PPL: variants seen among roughly 807,000 people sequenced by gnomAD.
PPL encodes 190 kDa paraneoplastic pemphigus antigen.
In PPL, 198 loss-of-function variants were observed where a neutral mutation model predicts 194.4. That is an observed-to-expected ratio of 1.02 (90% CI 0.91 to 1.15). The LOEUF is 1.15. PPL is among the 50% of genes most tolerant of loss of function. PPL has a pLI of 0.00. For synonymous variants in PPL, 1,220 were observed against 972.4 expected, an observed-to-expected ratio of 1.25 and a Z score of -4.74; for missense variants, 2,885 against 2,294.8, an observed-to-expected ratio of 1.26 and a Z score of -5.25.
At position 4,891,968 on chromosome 16, in the gene PPL, C is replaced by T. The variant is rs200086927; in HGVS notation, c.1830-19G>A. The T allele has an allele frequency of 9.2e-5, 148 of 1,610,896 alleles. No individual in the cohort carries two copies. The African/African-American group carries it at 1.3e-3, about 14-fold the overall frequency. On this transcript the variant is annotated intron_variant, in intron 15 of 21. Transcript: ENST00000345988. ...ATCAACCCTGAGAGCACCAATCAGG[C>T]GTCGGGGGATGCCCACCTGGCCCCC...
At chr16:4,931,752 C>T (rs1298575798) in intron 1 of PPL, among the ~76,000 whole-genome samples, 1 of 152,172 alleles carries the variant, frequency 6.6e-6, no homozygotes, top group African/African-American at 2.4e-5. Context: ...CCAACCACAC[C>T]CTTAGGGTAT....
At chr16:4,893,016 T>G in intron 14 of PPL, 197 bp downstream of exon 14, 1 of 618,480 alleles carries the variant, frequency 1.6e-6, no homozygotes, top group South Asian at 3.0e-5. Flanking sequence ...TCCTGCCAGC[T>G]CTTTCTCCTG....
chr16:4,893,205 G>T lies in PPL; in HGVS notation c.1650+8C>A. Reference sequence around the variant, plus strand: ...CCGGCCCCACCTGTGCTCCTGACCCGCAGGTACCTTGAGGTCCTTGGCCCG... The same window carrying T: ...CCGGCCCCACCTGTGCTCCTGACCCTCAGGTACCTTGAGGTCCTTGGCCCG... On this transcript the variant is annotated splice_region_variant and intron_variant, in intron 14 of 21. Coordinates refer to ENST00000345988, the MANE Select transcript of PPL (RefSeq NM_002705.5). 6.5e-7 allele frequency: 1 copy of T among 1,547,418 alleles called. No homozygotes were observed.
In PPL at chr16:4,889,002, G is replaced by A. The variant is rs1170444576; in HGVS notation, c.2373C>T (p.Ser791=). The stretch of plus-strand genomic sequence containing the variant: ...CCTTTACAGCTTGCTGGTACTGCTG[G>A]GAATTGGCACAGATCTTCTGTACTT... ...EQEVQKICAN[S]QQYQQAVKDY... is the part of the protein sequence containing the mutation. The change falls in exon 19 of 22, where the codon TCC becomes TCT. Residue 791 remains serine (S), a synonymous_variant. Transcript: ENST00000345988. The A allele has an allele frequency of 1.2e-6, 2 of 1,613,534 alleles. No homozygotes were observed. Among genetic ancestry groups the A allele is most frequent in the African/African-American group, 1.3e-5 (1 of 75,000 alleles).
chr16:4,894,704 G>A (rs1722600829), intron 11 of PPL, 86 bp from the exon 12 acceptor site: 1 of 1,484,318 alleles, frequency 6.7e-7, no homozygotes, highest in South Asian at 1.2e-5. Flanking sequence ...CCGACTCTTG[G>A]ACCTGGGGAG....
At chr16:4,890,084 G>A (rs2088290387) in intron 18 of PPL, 100 bp downstream of exon 18, 2 of 1,564,270 alleles carry the variant, frequency 1.3e-6, no homozygotes, top group South Asian at 1.1e-5. Flanking sequence ...CCTCTGCCCT[G>A]CTCCACCTCC....
At chr16:4,932,769 T>C (rs1248642657) in intron 1 of PPL, among the ~76,000 whole-genome samples, 1 of 152,032 alleles carries the variant, frequency 6.6e-6, no homozygotes, top group Non-Finnish European at 1.5e-5. Context: ...CTGCTATGAT[T>C]TGCCGGGCAC....
At chr16:4,894,384 C>G (rs2088378424) in intron 12 of PPL, 83 bp downstream of exon 12, 1 of 1,543,894 alleles carries the variant, frequency 6.5e-7, no homozygotes. Flanking sequence ...AGGCTGAGTC[C>G]AAATCCCCGG....
chr16:4,930,059 A>T (rs1016042694), intron 1 of PPL, among the ~76,000 whole-genome samples: 1 of 152,154 alleles, frequency 6.6e-6, no homozygotes, highest in Non-Finnish European at 1.5e-5. Context: ...ATGTTTCTAA[A>T]AATGTATATA....
chr16:4,934,403 C>A (rs2089265966), intron 1 of PPL, among the ~76,000 whole-genome samples: 1 of 151,988 alleles, frequency 6.6e-6, no homozygotes, highest in South Asian at 2.1e-4. Context: ...CCCCTGGGCT[C>A]GGAAAGGGCT....
At chr16:4,919,484 G>A (rs1206053216) in intron 1 of PPL, among the ~76,000 whole-genome samples, 3 of 152,012 alleles carry the variant, frequency 2.0e-5, no homozygotes, top group Non-Finnish European at 2.9e-5. Context: ...GGCTAGTCCC[G>A]AACTCCTGGC....
intron 21 of PPL, 91 bp downstream of exon 21, chr16:4,887,044 A>T: frequency 1.8e-6 from 2 of 1,113,686 alleles, no homozygotes; most frequent in Non-Finnish European, 2.7e-6. Context: ...GGACACTTCC[A>T]TCAATTCACA....
intron 1 of PPL, among the ~76,000 whole-genome samples, chr16:4,911,472 T>A (rs2088819270): frequency 6.6e-6 from 1 of 152,020 alleles, no homozygotes; most frequent in African/African-American, 2.4e-5. Flanking sequence ...AGCCTCCACT[T>A]TGATCATTCT....
At chr16:4,920,506 C>T (rs1387629182) in intron 1 of PPL, among the ~76,000 whole-genome samples, 1 of 152,022 alleles carries the variant, frequency 6.6e-6, no homozygotes, top group Non-Finnish European at 1.5e-5. Flanking sequence ...CTCTGTTGTC[C>T]AGGCTGCAGT....
rs753875841 is a variant in PPL, at chr16:4,890,345, A to G, written c.2163-11T>C. On this transcript the variant is annotated splice_polypyrimidine_tract_variant and intron_variant, in intron 17 of 21. Transcript: ENST00000345988. ...TGTAGGCTCTGCGCCCTGTCAAGGC[A>G]AAGCGTTCAGGCCTCAGCCACAGCA... The G allele has an allele frequency of 2.5e-6, 4 of 1,606,636 alleles. No homozygotes were observed. Among genetic ancestry groups the G allele is most frequent in the Admixed American group, 3.4e-5 (2 of 59,394 alleles).
intron 1 of PPL, among the ~76,000 whole-genome samples, chr16:4,920,341 G>GAC (rs1294847034): frequency 9.2e-5 from 1 of 10,926 alleles, no homozygotes; most frequent in Admixed American, 2.5e-3. Context: ...GAAAGAGAGA[G>GAC]AGAGAGAAAG....
chr16:4,902,222 C>G lies in PPL; in HGVS notation c.438+184G>C, dbSNP rs2088588242. Among the ~76,000 whole-genome samples, 1 of 152,210 alleles carries G rather than the reference C, an allele frequency of 6.6e-6. No homozygotes were observed. Among genetic ancestry groups the G allele is most frequent in the Admixed American group, 6.5e-5 (1 of 15,276 alleles). On this transcript the variant is annotated intron_variant, in intron 4 of 21. Coordinates refer to ENST00000345988, the MANE Select transcript of PPL (RefSeq NM_002705.5). The surrounding 1 kb of genome is among the most constrained non-coding windows in gnomAD (Gnocchi z 4.0). ...TCTCCACCGCTTGAGCTGTGTGACC[C>G]TGACTTCGTGCTGCACTTCTCTGAG...
At chr16:4,889,627 C>G (rs1424659750) in intron 18 of PPL, among the ~76,000 whole-genome samples, 1 of 152,138 alleles carries the variant, frequency 6.6e-6, no homozygotes, top group Admixed American at 6.5e-5. Context: ...CAAATGTTTA[C>G]TGATGATTTG....
Position 4,884,805 on chromosome 16 carries a change from G to A in PPL, c.3850C>T (p.Pro1284Ser), listed in dbSNP as rs1282687072. Residue 1284 changes from proline (P) to serine (S), a missense_variant, in exon 22 of 22, where the codon CCC (proline) becomes TCC (serine). Physicochemically the swap from Pro to Ser is moderately conservative, Grantham distance 74. Coordinates refer to ENST00000345988, the MANE Select transcript of PPL (RefSeq NM_002705.5). The surrounding 1 kb of genome is among the most constrained non-coding windows in gnomAD (Gnocchi z 5.7). Reference sequence around the variant, plus strand: ...ACCACCTCTTTGGTCTGGACCTGGGGTTTGGTGTCTTTCAGGGCCTGGATT... The same window carrying A: ...ACCACCTCTTTGGTCTGGACCTGGGATTTGGTGTCTTTCAGGGCCTGGATT... ...KEIQALKDTK[P>S]QVQTKEVVQE... 6.2e-6 allele frequency: 10 copies of A among 1,614,146 alleles called. No homozygotes were observed. The highest frequency in any genetic ancestry group is 5.0e-5 in the Admixed American group (3 of 60,022).
Sources: gnomAD v4.1 joint callset for allele counts (sites outside exome capture counted in the v4.1 genomes callset) on GRCh38, gnomAD v4.1.1 for gene constraint, Gnocchi (gnomAD v3.1) non-coding constraint, MANE v1.5 for transcripts, NCBI Gene and HGNC (gene_info 2026-07-23, HGNC 2026-07-21) for gene names.